The following KLHL13 variants were observed in gnomAD, a reference collection of about 807,000 sequenced individuals.
The protein encoded by KLHL13 is kelch like family member 13.
A neutral mutation model predicts 37.1 loss-of-function variants in KLHL13; 10 were observed. The observed-to-expected ratio is 0.27, with a 90% CI of 0.17 to 0.46. The LOEUF is 0.46. KLHL13 is among the 20% of genes least tolerant of loss of function. The pLI, the probability that KLHL13 is intolerant of heterozygous loss-of-function variation, is 1.00. For synonymous variants in KLHL13, 163 were observed against 181.2 expected (o/e 0.90, Z 0.81); for missense variants, 360 against 509.3 (o/e 0.71, Z 2.82).
intron 1 of KLHL13, among the ~76,000 whole-genome samples, chrX:118,027,000 G>C: frequency 8.9e-6 from 1 of 111,846 alleles, no homozygotes; most frequent in African/African-American, 3.2e-5. Flanking sequence ...CAAAGCAATG[G>C]CTAGGAAAAG....
rs1160061563 is a variant in KLHL13 at position 117,905,504 on chromosome X, T to TGC, written c.1367-3560_1367-3559dup. 4.6e-4 allele frequency among the ~76,000 whole-genome samples: 43 copies of TGC among 93,770 alleles called. 1 individual carries two copies. The highest frequency in any genetic ancestry group is 2.1e-3 in the African/African-American group (43 of 20,505). The allele number at this position is 93,770 out of a possible 115,157, so 81.4% of individuals were successfully genotyped here. On this transcript the variant is annotated intron_variant, in intron 5 of 6. Transcript: ENST00000262820. ...CCAGGTGAGCACGTGTGCTAGTGCG[T>TGC]GCACACACACACACACACACACACA...
At chrX:118,001,802 T>C (rs1391888767) in intron 1 of KLHL13, among the ~76,000 whole-genome samples, 1 of 106,011 alleles carries the variant, frequency 9.4e-6, no homozygotes, top group Non-Finnish European at 1.9e-5. Flanking sequence ...GAGGCAGAGG[T>C]TGCAGTGATT....
intron 2 of KLHL13, among the ~76,000 whole-genome samples, chrX:117,933,102 T>C (rs984723513): frequency 9.0e-6 from 1 of 111,192 alleles, no homozygotes; most frequent in Non-Finnish European, 1.9e-5. Context: ...CCTTATACAT[T>C]TTGGATATTA....
At chrX:118,087,659 A>C (rs1469800245) in intron 1 of KLHL13, among the ~76,000 whole-genome samples, 1 of 111,611 alleles carries the variant, frequency 9.0e-6, no homozygotes, top group African/African-American at 3.3e-5. Flanking sequence ...TTAAATGCTT[A>C]AAGAATTACA....
At chrX:118,053,821 A>AGGAGAGAGAGAGAGAGAGGG (rs2054648479) in intron 1 of KLHL13, among the ~76,000 whole-genome samples, 1 of 58,956 alleles carries the variant, frequency 1.7e-5, no homozygotes, top group Non-Finnish European at 2.9e-5. Context: ...GAGAGAGAGG[A>AGGAGAGAGAGAGAGAGAGGG]GAGGAGAGAG....
At chrX:118,000,783 G>A (rs1037186062) in intron 1 of KLHL13, among the ~76,000 whole-genome samples, 4 of 111,327 alleles carry the variant, frequency 3.6e-5, no homozygotes, top group African/African-American at 1.3e-4. Context: ...CTCTCACTTA[G>A]TATAAATATT....
At chrX:117,921,471 C>T (rs1931695846) in intron 2 of KLHL13, among the ~76,000 whole-genome samples, 1 of 111,272 alleles carries the variant, frequency 9.0e-6, no homozygotes, top group East Asian at 2.8e-4. Context: ...AACAATGATA[C>T]AAAAAATGAA....
At chrX:118,050,163 G>A (rs1219984810) in intron 1 of KLHL13, among the ~76,000 whole-genome samples, 1 of 111,479 alleles carries the variant, frequency 9.0e-6, no homozygotes, top group Non-Finnish European at 1.9e-5. Flanking sequence ...TGGGATTATG[G>A]GCATAAGCCA....
chrX:118,069,401 C>CA (rs199958677), intron 1 of KLHL13, among the ~76,000 whole-genome samples: 3 of 20,644 alleles, frequency 1.5e-4, no homozygotes, highest in South Asian at 2.9e-3. Context: ...TCGTTTTTAA[C>CA]AAAAAAAAGT....
chrX:117,952,953 G>C (rs1307537392), intron 1 of KLHL13, among the ~76,000 whole-genome samples: 3 of 111,139 alleles, frequency 2.7e-5, no homozygotes, highest in African/African-American at 6.6e-5. Context: ...TTACACTGTT[G>C]GTGGGACTGT....
rs146488482 is a variant in KLHL13, at chrX:118,058,705, C to T, written c.-56+57803G>A. 1.8e-3 allele frequency among the ~76,000 whole-genome samples: 197 copies of T among 111,833 alleles called. 1 individual carries two copies. In the East Asian group the frequency reaches 0.02, roughly 12 times the overall value. The stretch of plus-strand genomic sequence containing the variant: ...TTTACTTTCCAATAATAATCAATTG[C>T]AAAATGTCACTAAAACAATCTACTG... On this transcript the variant is annotated intron_variant, in intron 1 of 6. Transcript: ENST00000371882.
At chrX:118,089,205 GC>G (rs2055088598) in intron 1 of KLHL13, among the ~76,000 whole-genome samples, 1 of 111,012 alleles carries the variant, frequency 9.0e-6, no homozygotes. Flanking sequence ...ACTCCTTTCT[GC>G]GCTGGGATGG....
intron 1 of KLHL13, among the ~76,000 whole-genome samples, chrX:118,105,351 C>G (rs2055334872): frequency 8.9e-6 from 1 of 112,508 alleles, no homozygotes; most frequent in African/African-American, 3.2e-5. Context: ...ACTCAAGAAT[C>G]AGACTACATG....
At chrX:117,905,914 C>G (rs1447119024) in intron 5 of KLHL13, among the ~76,000 whole-genome samples, 1 of 111,079 alleles carries the variant, frequency 9.0e-6, no homozygotes, top group East Asian at 2.8e-4. Context: ...TTAATTCATT[C>G]TAACTATTTT....
intron 1 of KLHL13, among the ~76,000 whole-genome samples, chrX:117,998,222 T>C (rs944458610): frequency 8.9e-6 from 1 of 111,840 alleles, no homozygotes; most frequent in African/African-American, 3.2e-5. Flanking sequence ...TTGAGACATT[T>C]CCCTAAAAGA....
intron 1 of KLHL13, among the ~76,000 whole-genome samples, chrX:117,966,860 G>T (rs1417205373): frequency 3.6e-4 from 40 of 111,544 alleles, no homozygotes; most frequent in Non-Finnish European, 5.9e-4. Flanking sequence ...TAGCCATATG[G>T]AGAAAGCTGA....
intron 1 of KLHL13, among the ~76,000 whole-genome samples, chrX:118,043,531 C>G (rs980468279): frequency 9.0e-6 from 1 of 111,456 alleles, no homozygotes; most frequent in Admixed American, 9.5e-5. Context: ...TTAAAAAGAC[C>G]ATTCATCAAG....
At chrX:118,079,854 A>G (rs1254709172) in intron 1 of KLHL13, among the ~76,000 whole-genome samples, 1 of 111,863 alleles carries the variant, frequency 8.9e-6, no homozygotes, top group East Asian at 2.8e-4. Context: ...AAAAAGCCAG[A>G]GGCATCACAC....
At chrX:118,066,075 G>A (rs1214655709) in intron 1 of KLHL13, among the ~76,000 whole-genome samples, 2 of 111,867 alleles carry the variant, frequency 1.8e-5, no homozygotes, top group Non-Finnish European at 3.8e-5. Flanking sequence ...TTTAGTAGTG[G>A]AGGTGGTGAA....
Sources: gnomAD v4.1 joint callset for allele counts (sites outside exome capture counted in the v4.1 genomes callset) on GRCh38, gnomAD v4.1.1 for gene constraint, MANE v1.5 for transcripts, NCBI Gene and HGNC (gene_info 2026-07-23, HGNC 2026-07-21) for gene names.